BPIFB4: variants seen among roughly 807,000 people sequenced by gnomAD.
The protein encoded by BPIFB4 is BPI fold-containing family B member 4.
Under a neutral mutation model 69.2 loss-of-function variants are expected in BPIFB4, and 62 were observed. The observed-to-expected ratio is 0.90, with a 90% CI of 0.73 to 1.11. BPIFB4 has a LOEUF of 1.11. Ranked by LOEUF, BPIFB4 falls within the 50% of genes least tolerant of loss-of-function variation. The pLI is 0.00. For synonymous variants in BPIFB4, 330 were observed against 332.7 expected, an observed-to-expected ratio of 0.99 and a Z score of 0.09; for missense variants, 789 against 792.0, an observed-to-expected ratio of 1.00 and a Z score of 0.04.
At chr20:33,097,975 G>C (rs1192623504) in intron 13 of BPIFB4, among the ~76,000 whole-genome samples, 188 bp downstream of exon 13, 1 of 152,180 alleles carries the variant, frequency 6.6e-6, no homozygotes, top group South Asian at 2.1e-4. Flanking sequence ...CTTTGGACAA[G>C]TCACTCCCTA....
intron 13 of BPIFB4, among the ~76,000 whole-genome samples, chr20:33,098,744 CAAAAA>C (rs11331998): frequency 9.3e-6 from 1 of 107,412 alleles, no homozygotes. Flanking sequence ...GACTCCATCT[CAAAAA>C]AAAAAAAAAA....
intron 10 of BPIFB4, 30 bp downstream of exon 10, chr20:33,090,829 G>A (rs972994657): frequency 1.2e-6 from 2 of 1,612,552 alleles, no homozygotes; most frequent in African/African-American, 2.7e-5. Flanking sequence ...GGCAAAGGGT[G>A]GTGGCCCTCC....
At chr20:33,099,665 T>C (rs1351654183) in intron 13 of BPIFB4, among the ~76,000 whole-genome samples, 1 of 152,116 alleles carries the variant, frequency 6.6e-6, no homozygotes, top group East Asian at 1.9e-4. Flanking sequence ...TCCCACCCTC[T>C]TTTCATCTGG....
At chr20:33,104,207 G>A (rs1981980778) in intron 15 of BPIFB4, among the ~76,000 whole-genome samples, 1 of 152,188 alleles carries the variant, frequency 6.6e-6, no homozygotes, top group Non-Finnish European at 1.5e-5. Context: ...TGAGGCAAGG[G>A]TTACTCACTC....
At position 33,100,510 on chromosome 20, in the gene BPIFB4, C is replaced by T; in HGVS notation, c.1637+17C>T. ...GCTGGAGAAGTAAGGGGCTATGCTG[C>T]CTTGGGGTCCTGACGGTGCTGGTGC... On this transcript the variant is annotated intron_variant, in intron 14 of 17. Coordinates refer to ENST00000375483, the MANE Select transcript of BPIFB4 (RefSeq NM_182519.3). 6.2e-7 allele frequency: 1 copy of T among 1,600,548 alleles called. No individual in the cohort carries two copies. Among genetic ancestry groups the T allele is most frequent in the Non-Finnish European group, 8.6e-7 (1 of 1,167,912 alleles).
chr20:33,111,333 C>A (rs1290610794), intron 17 of BPIFB4, 81 bp from the exon 18 acceptor site: 1 of 1,573,954 alleles, frequency 6.4e-7, no homozygotes, highest in Non-Finnish European at 8.7e-7. Flanking sequence ...CATGACCGGC[C>A]AGATCCGTAG....
intron 13 of BPIFB4, among the ~76,000 whole-genome samples, chr20:33,098,350 C>T (rs184689062): frequency 4.4e-4 from 67 of 152,194 alleles, no homozygotes; most frequent in Admixed American, 3.3e-3. Context: ...AAAGGGGAAA[C>T]GAGACAGATG....
intron 4 of BPIFB4, 114 bp from the exon 5 acceptor site, chr20:33,083,253 G>T (rs1981294940): frequency 1.0e-6 from 1 of 988,450 alleles, no homozygotes; most frequent in Non-Finnish European, 1.4e-6. Flanking sequence ...GGTGGCAGTG[G>T]TGGGGGGTTG....
At chr20:33,099,855 T>A (rs977113518) in intron 13 of BPIFB4, among the ~76,000 whole-genome samples, 2 of 152,192 alleles carry the variant, frequency 1.3e-5, no homozygotes, top group Non-Finnish European at 2.9e-5. Context: ...AAGCCAACTT[T>A]TAAATTCAAT....
intron 5 of BPIFB4, among the ~76,000 whole-genome samples, chr20:33,084,480 C>T (rs151212991): frequency 1.8e-4 from 27 of 152,280 alleles, no homozygotes; most frequent in Admixed American, 2.6e-4. Flanking sequence ...GGCAGCTCAC[C>T]TACCTAGGGA....
intron 11 of BPIFB4, among the ~76,000 whole-genome samples, chr20:33,093,638 C>G (rs116779131): frequency 0.02 from 2,007 of 98,772 alleles, 37 homozygotes; most frequent in African/African-American, 0.063. Flanking sequence ...TCCATCTACT[C>G]ATCAACCCGA....
intron 10 of BPIFB4, among the ~76,000 whole-genome samples, chr20:33,091,393 T>C (rs961728552): frequency 6.6e-6 from 1 of 152,228 alleles, no homozygotes; most frequent in Non-Finnish European, 1.5e-5. Flanking sequence ...GTGTGAAATC[T>C]GACCATGTGA....
chr20:33,091,334 G>A (rs559518221), intron 10 of BPIFB4, among the ~76,000 whole-genome samples: 2 of 152,382 alleles, frequency 1.3e-5, no homozygotes, highest in Non-Finnish European at 2.9e-5. Context: ...ATCATGGACA[G>A]CTTCAAGTTA....
At position 33,083,428 on chromosome 20, in the gene BPIFB4, C is replaced by G. The variant is rs200058996; in HGVS notation, c.231C>G (p.Asn77Lys). The part of the protein sequence containing the change: ...HVRGPPPVYT[N>K]GKKLDGIYQY... ...GAGGACCCCCCCCAGTATATACCAA[C>G]GGCAAAAAACTTGATGGTATTTACC... is the stretch of plus-strand genomic sequence containing the variant. The change falls in exon 5 of 18, where the codon AAC (asparagine) becomes AAG (lysine). Residue 77 changes from asparagine to lysine, a missense_variant. Asn to Lys is a moderately conservative substitution (Grantham distance 94, BLOSUM62 0). This residue lies in a region of BPIFB4 where 611 missense variants were observed against 575.4 expected (regional missense o/e 1.06). Transcript: ENST00000375483. The G allele has an allele frequency of 1.9e-6, 3 of 1,613,302 alleles. No individual in the cohort carries two copies. The highest frequency in any genetic ancestry group is 2.5e-6 in the Non-Finnish European group (3 of 1,179,674).
At chr20:33,108,950 C>T (rs1380895014) in intron 17 of BPIFB4, among the ~76,000 whole-genome samples, 1 of 152,160 alleles carries the variant, frequency 6.6e-6, no homozygotes, top group African/African-American at 2.4e-5. Context: ...CACATTTGCC[C>T]CTCACATTCA....
intron 16 of BPIFB4, among the ~76,000 whole-genome samples, chr20:33,105,159 T>C (rs1982012980): frequency 6.6e-6 from 1 of 152,168 alleles, no homozygotes; most frequent in African/African-American, 2.4e-5. Flanking sequence ...TTAGAAAATA[T>C]AAAACAATTT....
intron 16 of BPIFB4, among the ~76,000 whole-genome samples, chr20:33,107,274 G>GAGAAAAA (rs375284987): frequency 1.3e-5 from 2 of 150,930 alleles, no homozygotes; most frequent in Non-Finnish European, 2.9e-5. Flanking sequence ...AAAGAGAAAA[G>GAGAAAAA]GGAAAAGAAA....
intron 17 of BPIFB4, among the ~76,000 whole-genome samples, chr20:33,109,072 G>A (rs971865823): frequency 3.3e-5 from 5 of 152,124 alleles, no homozygotes; most frequent in African/African-American, 4.8e-5. Flanking sequence ...TGCTGGCTCT[G>A]GGACAGTCCC....
chr20:33,092,736 TG>T (rs1414323668), intron 11 of BPIFB4, 78 bp downstream of exon 11: 1 of 1,391,152 alleles, frequency 7.2e-7, no homozygotes, highest in Non-Finnish European at 1.0e-6. Context: ...TCCACAGACT[TG>T]GGGAATTTGC....
Sources: gnomAD v4.1 joint callset for allele counts (sites outside exome capture counted in the v4.1 genomes callset) on GRCh38, gnomAD v4.1.1 for gene constraint, gnomAD v4.1.1 regional missense constraint, MANE v1.5 for transcripts, NCBI Gene and HGNC (gene_info 2026-07-23, HGNC 2026-07-21) for gene names.